The following CTNNA3 variants were observed in gnomAD, a reference collection of about 807,000 sequenced individuals.
CTNNA3 encodes the protein catenin alpha-3.
CTNNA3 carries 76 observed loss-of-function variants against 95.7 expected under a neutral mutation model. The observed-to-expected ratio is 0.79, with a 90% CI of 0.66 to 0.96. The LOEUF (loss-of-function observed/expected upper bound fraction) is 0.96. Among genes scored for constraint, CTNNA3 ranks in the 40% least tolerant of loss-of-function variants. The pLI is 0.00. For synonymous variants in CTNNA3, 431 were observed against 374.4 expected (o/e 1.15, Z -1.74); for missense variants, 1,191 against 1,089.8 (o/e 1.09, Z -1.31).
intron 17 of CTNNA3, among the ~76,000 whole-genome samples, chr10:65,937,293 T>C (rs981781511): frequency 1.6e-4 from 25 of 152,142 alleles, no homozygotes; most frequent in Non-Finnish European, 3.1e-4. Flanking sequence ...ATTTGGATAA[T>C]TACTTTCCTG....
Position 66,585,977 on chromosome 10 carries a change from A to G in CTNNA3, c.1374+35715T>C, listed in dbSNP as rs113869054. Among the ~76,000 whole-genome samples the G allele has an allele frequency of 3.8e-3, 581 of 152,194 alleles. 13 individuals are homozygous for G. The highest frequency in any genetic ancestry group is 0.013 in the African/African-American group (559 of 41,508). The stretch of plus-strand genomic sequence containing the variant: ...TTGAAGATGTGACTTTAACATTTAT[A>G]GTTTATTTACACTTAGTTTCAGCTC... On this transcript the variant is annotated intron_variant, in intron 10 of 17. Transcript: ENST00000433211.
At chr10:67,349,664 G>A (rs1842560415) in intron 5 of CTNNA3, among the ~76,000 whole-genome samples, 1 of 152,054 alleles carries the variant, frequency 6.6e-6, no homozygotes, top group South Asian at 2.1e-4. Context: ...ATACTATATT[G>A]CACACTTAAA....
intron 13 of CTNNA3, among the ~76,000 whole-genome samples, chr10:66,223,317 T>C (rs1357846878): frequency 6.6e-6 from 1 of 152,136 alleles, no homozygotes; most frequent in Non-Finnish European, 1.5e-5. Flanking sequence ...GGGTTACTTA[T>C]GAAAATTAAG....
rs192877965 is a variant in CTNNA3, at chr10:67,120,830, T to G, written c.1047+59487A>C. Among the ~76,000 whole-genome samples, 730 of 152,176 alleles carry G rather than the reference T, an allele frequency of 4.8e-3. 8 individuals are homozygous for G. Among genetic ancestry groups the G allele is most frequent in the African/African-American group, 0.016 (684 of 41,552 alleles). Reference sequence around the variant, plus strand: ...CTTTCCTAAACACAGAGACTGAATTTTGGTTGTTATTCTACTACGTGGAGA... The same window carrying G: ...CTTTCCTAAACACAGAGACTGAATTGTGGTTGTTATTCTACTACGTGGAGA... On this transcript the variant is annotated intron_variant, in intron 7 of 17. Transcript: ENST00000433211.
At chr10:66,956,097 C>A (rs944909132) in intron 7 of CTNNA3, among the ~76,000 whole-genome samples, 3 of 151,986 alleles carry the variant, frequency 2.0e-5, no homozygotes, top group Non-Finnish European at 4.4e-5. Flanking sequence ...TGCAAAGGTA[C>A]CTGACCACCC....
chr10:66,395,909 G>A (rs1366475338), intron 11 of CTNNA3, among the ~76,000 whole-genome samples: 1 of 151,876 alleles, frequency 6.6e-6, no homozygotes, highest in African/African-American at 2.4e-5. Flanking sequence ...TACCCAATAG[G>A]TAATTTTTCA....
At chr10:66,585,004 G>A (rs1299786405) in intron 10 of CTNNA3, among the ~76,000 whole-genome samples, 1 of 152,046 alleles carries the variant, frequency 6.6e-6, no homozygotes, top group African/African-American at 2.4e-5. Flanking sequence ...ACTAAAGATA[G>A]GACCCCAATT....
intron 7 of CTNNA3, among the ~76,000 whole-genome samples, chr10:67,067,634 C>T (rs1856173829): frequency 6.6e-6 from 1 of 152,182 alleles, no homozygotes; most frequent in Admixed American, 6.5e-5. Flanking sequence ...CCTTAGAGTA[C>T]ATCCTAGGTA....
chr10:66,288,819 T>C (rs559737872), intron 12 of CTNNA3, among the ~76,000 whole-genome samples: 1 of 152,142 alleles, frequency 6.6e-6, no homozygotes, highest in African/African-American at 2.4e-5. Context: ...TACTATGAGT[T>C]AAAAAACCCT....
In CTNNA3 at chr10:67,212,504, T is replaced by G. The variant is rs1864179717; in HGVS notation, c.843+7103A>C. On this transcript the variant is annotated intron_variant, in intron 6 of 17. Coordinates refer to ENST00000433211, the MANE Select transcript of CTNNA3 (RefSeq NM_013266.4). ...CATATTGACATGTATTACTATAATT[T>G]ACTCATTTTTATTCATTATGGCCTC... Among the ~76,000 whole-genome samples the G allele has an allele frequency of 2.0e-5, 3 of 151,996 alleles. No homozygotes were observed. The South Asian group carries it at 6.2e-4, about 31-fold the overall frequency.
intron 5 of CTNNA3, among the ~76,000 whole-genome samples, chr10:67,366,214 G>A (rs1843209708): frequency 6.6e-6 from 1 of 152,102 alleles, no homozygotes. Flanking sequence ...GTCGGGGGTT[G>A]GGGGGCTGAG....
At chr10:66,251,466 T>A (rs1415958038) in intron 13 of CTNNA3, among the ~76,000 whole-genome samples, 2 of 152,150 alleles carry the variant, frequency 1.3e-5, no homozygotes, top group Non-Finnish European at 2.9e-5. Context: ...GGAGTTACAT[T>A]TTTATAAGTT....
At chr10:66,579,855 CGTTCTTTTTT>C (rs1315900554) in intron 10 of CTNNA3, among the ~76,000 whole-genome samples, 2 of 151,640 alleles carry the variant, frequency 1.3e-5, no homozygotes, top group Non-Finnish European at 2.9e-5. Context: ...GTCATCTGAA[CGTTCTTTTTT>C]CCACAGAGAA....
chr10:66,835,415 G>C (rs11816933), intron 7 of CTNNA3, among the ~76,000 whole-genome samples: 115 of 152,328 alleles, frequency 7.5e-4, no homozygotes, highest in African/African-American at 2.7e-3. Flanking sequence ...CTTTAGGCCT[G>C]GGGCCCAGCA....
chr10:66,321,099 A>G (rs1208268018), intron 12 of CTNNA3, among the ~76,000 whole-genome samples: 1 of 152,140 alleles, frequency 6.6e-6, no homozygotes, highest in Non-Finnish European at 1.5e-5. Context: ...AGATTATGAT[A>G]TGAATAGTGG....
chr10:66,688,242 C>T lies in CTNNA3; in HGVS notation c.1282-66458G>A, dbSNP rs183201749. ...CACTGTGTCATAAAATCACATCACC[C>T]TTCTGATCAAAAGCAATCAAGAACT... is the stretch of plus-strand genomic sequence containing the variant. On this transcript the variant is annotated intron_variant, in intron 9 of 17. Coordinates refer to ENST00000433211, the MANE Select transcript of CTNNA3 (RefSeq NM_013266.4). 5.3e-5 allele frequency among the ~76,000 whole-genome samples: 8 copies of T among 152,234 alleles called. No individual in the cohort carries two copies. The South Asian group carries it at 1.0e-3, about 20-fold the overall frequency.
rs1209434384 is a variant in CTNNA3 at position 66,020,450 on chromosome 10, A to G, written c.2160-31653T>C. Among the ~76,000 whole-genome samples, 3 of 152,220 alleles carry G rather than the reference A, an allele frequency of 2.0e-5. No individual in the cohort carries two copies. In the East Asian group the frequency reaches 5.8e-4, roughly 29 times the overall value. ...GACCTGGAAAGCCTGCAAGGCTGAC[A>G]TGTTTAGGGCACCTGTATTCTCAAC... On this transcript the variant is annotated intron_variant, in intron 15 of 17. Coordinates refer to ENST00000433211, the MANE Select transcript of CTNNA3 (RefSeq NM_013266.4).
chr10:66,094,703 T>C (rs1282959570), intron 14 of CTNNA3, among the ~76,000 whole-genome samples: 1 of 152,170 alleles, frequency 6.6e-6, no homozygotes, highest in Non-Finnish European at 1.5e-5. Context: ...CCTCTCACCA[T>C]ATCTCTGACA....
intron 1 of CTNNA3, among the ~76,000 whole-genome samples, chr10:67,662,587 T>C (rs1840220070): frequency 3.3e-5 from 5 of 152,148 alleles, no homozygotes; most frequent in Admixed American, 3.3e-4. Flanking sequence ...TTTTGCTGAG[T>C]GAGAATCAGA....
Sources: allele counts gnomAD v4.1 joint callset (sites outside exome capture counted in the v4.1 genomes callset), GRCh38; gene constraint gnomAD v4.1.1; transcripts MANE v1.5; gene names NCBI Gene and HGNC (gene_info 2026-07-23, HGNC 2026-07-21).